PEBP4: variants seen among roughly 807,000 people sequenced by gnomAD.
PEBP4 encodes the protein phosphatidylethanolamine binding protein 4.
Under a neutral mutation model 23.9 loss-of-function variants are expected in PEBP4, and 22 were observed. The observed-to-expected ratio is 0.92, with a 90% confidence interval of 0.66 to 1.31. The LOEUF is 1.31. Ranked by LOEUF, PEBP4 falls within the 40% of genes most tolerant of loss-of-function variation. The pLI, the probability that PEBP4 is intolerant of heterozygous loss-of-function variation, is 0.00. For synonymous variants in PEBP4, 112 were observed against 99.3 expected (o/e 1.13, Z -0.76); for missense variants, 324 against 281.7 (o/e 1.15, Z -1.07).
At chr8:22,801,214 G>A (rs898142631) in intron 4 of PEBP4, among the ~76,000 whole-genome samples, 7 of 152,170 alleles carry the variant, frequency 4.6e-5, no homozygotes, top group Admixed American at 6.5e-5. Context: ...TAGTCACAGC[G>A]GGGAGGGCTG....
chr8:22,938,176 A>C (rs938045530), intron 1 of PEBP4, among the ~76,000 whole-genome samples: 1 of 152,084 alleles, frequency 6.6e-6, no homozygotes, highest in Admixed American at 6.6e-5. Context: ...AAATCCCAGG[A>C]ACTGGTGTTC....
chr8:22,864,038 G>T (rs937063754), intron 3 of PEBP4, among the ~76,000 whole-genome samples: 3 of 152,146 alleles, frequency 2.0e-5, no homozygotes, highest in African/African-American at 7.2e-5. Context: ...TAAAACTCCA[G>T]TCTGACCAGA....
At chr8:22,780,226 A>G (rs1006832953) in intron 4 of PEBP4, among the ~76,000 whole-genome samples, 1 of 152,186 alleles carries the variant, frequency 6.6e-6, no homozygotes, top group South Asian at 2.1e-4. Flanking sequence ...GGCCTCCCAA[A>G]GTGCTGGAAT....
At chr8:22,852,116 A>G (rs1807564553) in intron 3 of PEBP4, among the ~76,000 whole-genome samples, 1 of 152,132 alleles carries the variant, frequency 6.6e-6, no homozygotes, top group African/African-American at 2.4e-5. Context: ...GGAGGTGGCA[A>G]AGGAAAGAGG....
chr8:22,737,155 G>T (rs551367892), intron 4 of PEBP4, among the ~76,000 whole-genome samples: 44 of 152,166 alleles, frequency 2.9e-4, no homozygotes, highest in Middle Eastern at 3.4e-3. Context: ...TTAGCAAGGC[G>T]TGGTGGCAGG....
chr8:22,836,888 A>G lies in PEBP4; in HGVS notation c.259-19153T>C, dbSNP rs1262963278. ...AAGAGGAAACTGATGGAAGAGAAAG[A>G]AAAAAAAAAAGAGCTCCTAAGCAAC... is the stretch of plus-strand genomic sequence containing the variant. On this transcript the variant is annotated intron_variant, in intron 3 of 6. Transcript: ENST00000256404. Among the ~76,000 whole-genome samples, 3 of 145,416 alleles carry G rather than the reference A, an allele frequency of 2.1e-5. No individual in the cohort carries two copies. The East Asian group carries it at 5.9e-4, about 29-fold the overall frequency.
At chr8:22,908,012 C>CAAAA (rs35883467) in intron 3 of PEBP4, among the ~76,000 whole-genome samples, 1 of 140,148 alleles carries the variant, frequency 7.1e-6, no homozygotes. Flanking sequence ...GACCCTGTCT[C>CAAAA]AAAAAAAAAA....
At chr8:22,940,774 C>G (rs1022625244) in intron 1 of PEBP4, among the ~76,000 whole-genome samples, 48 of 152,202 alleles carry the variant, frequency 3.2e-4, no homozygotes, top group African/African-American at 1.2e-3. Context: ...TAGGCGTGAG[C>G]CACCACGGCC....
At chr8:22,737,785 CGAT>C (rs1804899331) in intron 4 of PEBP4, among the ~76,000 whole-genome samples, 1 of 152,162 alleles carries the variant, frequency 6.6e-6, no homozygotes, top group Admixed American at 6.5e-5. Context: ...TATAAAGTGG[CGAT>C]GATAACGATA....
intron 4 of PEBP4, among the ~76,000 whole-genome samples, chr8:22,785,041 A>C (rs999577285): frequency 6.6e-6 from 1 of 152,224 alleles, no homozygotes; most frequent in African/African-American, 2.4e-5. Context: ...CCTGCTCCTC[A>C]GATCCCAGTG....
intron 4 of PEBP4, among the ~76,000 whole-genome samples, chr8:22,735,434 C>A (rs756943787): frequency 4.6e-5 from 7 of 152,208 alleles, no homozygotes; most frequent in Non-Finnish European, 8.8e-5. Context: ...TAAATGTGTG[C>A]ATGAGACATG....
At chr8:22,718,475 C>T (rs1183590062) in intron 6 of PEBP4, among the ~76,000 whole-genome samples, 1 of 152,246 alleles carries the variant, frequency 6.6e-6, no homozygotes, top group Non-Finnish European at 1.5e-5. Context: ...TGATGTTCGG[C>T]TGGACTGGGA....
chr8:22,841,580 G>A (rs1393146802), intron 3 of PEBP4, among the ~76,000 whole-genome samples: 1 of 152,198 alleles, frequency 6.6e-6, no homozygotes, highest in Non-Finnish European at 1.5e-5. Context: ...GTGCAATGAG[G>A]CCTCCAGGTA....
At chr8:22,727,931 C>A (rs1379601028) in intron 4 of PEBP4, among the ~76,000 whole-genome samples, 1 of 152,134 alleles carries the variant, frequency 6.6e-6, no homozygotes, top group Non-Finnish European at 1.5e-5. Flanking sequence ...GTGCTAATTA[C>A]TGTTTGTGCA....
intron 6 of PEBP4, among the ~76,000 whole-genome samples, chr8:22,714,199 A>G (rs548631881): frequency 1.3e-5 from 2 of 152,256 alleles, no homozygotes; most frequent in African/African-American, 4.8e-5. Context: ...CCTCAGGGGG[A>G]GAAAACACAA....
chr8:22,914,551 G>A lies in PEBP4; in HGVS notation c.258+5633C>T, dbSNP rs181802532. On this transcript the variant is annotated intron_variant, in intron 3 of 6. Coordinates refer to ENST00000256404, the MANE Select transcript of PEBP4 (RefSeq NM_144962.3). ...TCACACGGGTAACCAGTGGCTTGCTGGGGTAAGGCAGTGCGTGCGTTTCCT... is the reference window on the plus strand; with the variant it reads ...TCACACGGGTAACCAGTGGCTTGCTAGGGTAAGGCAGTGCGTGCGTTTCCT... 1.9e-3 allele frequency among the ~76,000 whole-genome samples: 296 copies of A among 152,336 alleles called. 2 individuals are homozygous for A. The highest frequency in any genetic ancestry group is 6.7e-3 in the African/African-American group (279 of 41,568).
intron 3 of PEBP4, among the ~76,000 whole-genome samples, chr8:22,843,059 C>T (rs1807360270): frequency 6.6e-6 from 1 of 152,128 alleles, no homozygotes; most frequent in African/African-American, 2.4e-5. Flanking sequence ...AACTCCTGAC[C>T]TTAGGTTATC....
At chr8:22,940,128 C>G (rs931319132) in intron 1 of PEBP4, among the ~76,000 whole-genome samples, 5 of 152,190 alleles carry the variant, frequency 3.3e-5, no homozygotes, top group Non-Finnish European at 7.3e-5. Flanking sequence ...TTTACCTTGC[C>G]CCTCTTTGCA....
chr8:22,768,940 C>T (rs1805662855), intron 4 of PEBP4, among the ~76,000 whole-genome samples: 2 of 152,182 alleles, frequency 1.3e-5, no homozygotes, highest in African/African-American at 2.4e-5. Flanking sequence ...CATGTCAGGC[C>T]TCTGCAGAAC....
Sources: gnomAD v4.1 joint callset for allele counts (sites outside exome capture counted in the v4.1 genomes callset) on GRCh38, gnomAD v4.1.1 for gene constraint, MANE v1.5 for transcripts, NCBI Gene and HGNC (gene_info 2026-07-23, HGNC 2026-07-21) for gene names.